The following ERC2 variants were observed in gnomAD, a reference collection of about 807,000 sequenced individuals.
ERC2 encodes ELKS/RAB6-interacting/CAST family member 2.
Under a neutral mutation model 114.8 loss-of-function variants are expected in ERC2, and 42 were observed. The observed-to-expected ratio is 0.37, with a 90% CI of 0.29 to 0.47. The LOEUF (loss-of-function observed/expected upper bound fraction) is 0.47, where lower values mean the gene tolerates loss of function less well. Among genes scored for constraint, ERC2 ranks in the 20% least tolerant of loss-of-function variants. The pLI, the probability that ERC2 is intolerant of heterozygous loss-of-function variation, is 0.99. For missense variants in ERC2, 939 were observed against 1,150.7 expected (o/e 0.82, Z 2.66); for synonymous variants, 454 against 425.5 (o/e 1.07, Z -0.82).
intron 3 of ERC2, among the ~76,000 whole-genome samples, chr3:56,287,396 AT>A (rs1224473545): frequency 6.6e-6 from 1 of 152,202 alleles, no homozygotes; most frequent in Non-Finnish European, 1.5e-5. Flanking sequence ...GCTCACAAAA[AT>A]TCACCTATTT....
intron 17 of ERC2, among the ~76,000 whole-genome samples, chr3:55,665,436 C>G (rs1028021018): frequency 1.3e-5 from 2 of 152,166 alleles, no homozygotes; most frequent in African/African-American, 2.4e-5. Context: ...TGTTGCAGAT[C>G]TCATTTGTTA....
intron 4 of ERC2, among the ~76,000 whole-genome samples, chr3:56,165,277 T>G (rs989327006): frequency 7.2e-5 from 11 of 151,998 alleles, no homozygotes; most frequent in African/African-American, 2.7e-4. Context: ...TCCAACATTA[T>G]TTTGGGGATA....
rs561817772 is a variant in ERC2 at position 55,546,841 on chromosome 3, G to A, written c.*40-35565C>T. ...GCCACTTACAACTTATGTGGGAAAC[G>A]AGGAGTTTGGGCTCAATGATTTATT... On this transcript the variant is annotated intron_variant, in intron 17 of 17. Transcript: ENST00000288221. 7.2e-5 allele frequency among the ~76,000 whole-genome samples: 11 copies of A among 152,344 alleles called. 1 individual carries two copies. In the South Asian group the frequency reaches 2.1e-3, roughly 29 times the overall value.
chr3:55,701,239 T>C (rs1301616460), intron 15 of ERC2, among the ~76,000 whole-genome samples: 1 of 152,246 alleles, frequency 6.6e-6, no homozygotes, highest in Non-Finnish European at 1.5e-5. Flanking sequence ...CAATTATTAC[T>C]ATCCTCATTT....
rs75240564 is a variant in ERC2, at chr3:56,299,793, A to C, written c.658-3358T>G. On this transcript the variant is annotated intron_variant, in intron 2 of 17. Transcript: ENST00000288221. ...TTTGAAGGTGGCTTGGATTTCTGAG[A>C]TGATCCAGGTTTATCTGGAGTCAAA... Among the ~76,000 whole-genome samples, 373 of 152,294 alleles carry C rather than the reference A, an allele frequency of 2.4e-3. 2 individuals carry two copies. The highest frequency in any genetic ancestry group is 8.7e-3 in the African/African-American group (360 of 41,552).
At chr3:56,166,022 T>C (rs973816257) in intron 4 of ERC2, among the ~76,000 whole-genome samples, 1 of 152,076 alleles carries the variant, frequency 6.6e-6, no homozygotes, top group Non-Finnish European at 1.5e-5. Context: ...ATATTAGCTA[T>C]AGCTTTCTTG....
At chr3:55,924,092 G>T (rs181006591) in intron 13 of ERC2, among the ~76,000 whole-genome samples, 3 of 152,070 alleles carry the variant, frequency 2.0e-5, no homozygotes, top group African/African-American at 7.2e-5. Flanking sequence ...CAACTGTTTG[G>T]GATTCTGACA....
intron 12 of ERC2, 143 bp from the exon 13 acceptor site, chr3:55,950,703 C>A: frequency 1.1e-6 from 1 of 947,954 alleles, no homozygotes; most frequent in East Asian, 2.5e-5. Context: ...TCCATTCATT[C>A]AACTACAAAT....
chr3:56,292,024 C>T (rs1479387148), intron 3 of ERC2, among the ~76,000 whole-genome samples: 1 of 152,130 alleles, frequency 6.6e-6, no homozygotes, highest in Non-Finnish European at 1.5e-5. Flanking sequence ...TCTAGCATAG[C>T]ATTTTTCAAA....
intron 17 of ERC2, among the ~76,000 whole-genome samples, chr3:55,615,402 A>T (rs1228637101): frequency 2.0e-5 from 3 of 152,018 alleles, no homozygotes; most frequent in Non-Finnish European, 4.4e-5. Context: ...TGATAGAGAA[A>T]CTCCAAGCTC....
At chr3:55,525,173 T>C (rs1400904302) in intron 17 of ERC2, among the ~76,000 whole-genome samples, 1 of 152,246 alleles carries the variant, frequency 6.6e-6, no homozygotes, top group African/African-American at 2.4e-5. Flanking sequence ...GGCAGAAGAA[T>C]TTCCTTTAAT....
chr3:56,173,712 T>C, intron 3 of ERC2, 192 bp from the exon 4 acceptor site: 3 of 552,902 alleles, frequency 5.4e-6, no homozygotes, highest in South Asian at 4.9e-5. Flanking sequence ...GAAAAGCTCC[T>C]GGCACATGCG....
intron 3 of ERC2, among the ~76,000 whole-genome samples, chr3:56,210,442 T>C (rs993422737): frequency 3.9e-5 from 6 of 152,232 alleles, no homozygotes; most frequent in South Asian, 4.1e-4. Flanking sequence ...GGAATCCATA[T>C]AGGTGTGCTT....
intron 13 of ERC2, among the ~76,000 whole-genome samples, chr3:55,949,348 C>T (rs1326519400): frequency 6.6e-6 from 1 of 151,598 alleles, no homozygotes; most frequent in African/African-American, 2.4e-5. Flanking sequence ...CCAGTCTGGG[C>T]GACAGGGGGA....
intron 17 of ERC2, among the ~76,000 whole-genome samples, chr3:55,678,304 T>C (rs1438859088): frequency 6.6e-6 from 1 of 152,122 alleles, no homozygotes; most frequent in Non-Finnish European, 1.5e-5. Context: ...ATAATATACT[T>C]AGAATTTCAA....
In ERC2 at chr3:56,296,354, C is replaced by T. The variant is rs904240763; in HGVS notation, c.739G>A (p.Gly247Ser). ...DLNHLLQQES[G>S]NRGAEHFTIE... ...GTGAAGTGCTCCGCTCCTCGGTTGC[C>T]ACTCTCTTGCTGGAGGAGGTGGTTG... Residue 247 changes from glycine (G) to serine (S), a missense_variant, in exon 3 of 18, where the codon GGC becomes AGC. Physicochemically the swap from Gly to Ser is moderately conservative, Grantham distance 56. Transcript: ENST00000288221. 3.1e-6 allele frequency: 5 copies of T among 1,613,922 alleles called. No individual in the cohort carries two copies. Among genetic ancestry groups the T allele is most frequent in the Non-Finnish European group, 4.2e-6 (5 of 1,179,900 alleles).
chr3:55,512,243 G>C (rs1328740856), intron 17 of ERC2, among the ~76,000 whole-genome samples: 1 of 152,224 alleles, frequency 6.6e-6, no homozygotes, highest in Non-Finnish European at 1.5e-5. Context: ...GTTAAGTAGT[G>C]CAAATGAAAT....
At chr3:55,850,163 G>T (rs1265792123) in intron 14 of ERC2, among the ~76,000 whole-genome samples, 1 of 152,138 alleles carries the variant, frequency 6.6e-6, no homozygotes. Context: ...GTGTCTCTGT[G>T]TATCTTCTTC....
chr3:55,859,959 T>C (rs1021586587), intron 14 of ERC2, among the ~76,000 whole-genome samples: 2 of 152,130 alleles, frequency 1.3e-5, no homozygotes, highest in Non-Finnish European at 2.9e-5. Context: ...AAAGGTTTTT[T>C]ATCCCAAGCC....
Sources: allele counts gnomAD v4.1 joint callset (sites outside exome capture counted in the v4.1 genomes callset), GRCh38; gene constraint gnomAD v4.1.1; transcripts MANE v1.5; gene names NCBI Gene and HGNC (gene_info 2026-07-23, HGNC 2026-07-21).